CDH12: variants seen among roughly 807,000 people sequenced by gnomAD.
CDH12 encodes the protein cadherin-12.
A neutral mutation model predicts 74.1 loss-of-function variants in CDH12; 41 were observed. That is an observed-to-expected ratio of 0.55 (90% CI 0.43 to 0.72). The LOEUF is 0.72. Ranked by LOEUF, CDH12 falls within the 30% of genes least tolerant of loss-of-function variation. The pLI is 0.00. For missense variants in CDH12, 945 were observed against 977.2 expected (o/e 0.97, Z 0.44); for synonymous variants, 399 against 355.0 (o/e 1.12, Z -1.39).
At chr5:22,417,618 CCAAA>C (rs1237801521) in intron 2 of CDH12, among the ~76,000 whole-genome samples, 31 of 152,100 alleles carry the variant, frequency 2.0e-4, no homozygotes, top group East Asian at 7.7e-4. Flanking sequence ...TATAGTGGCA[CCAAA>C]CAAAGTAGGA....
intron 1 of CDH12, among the ~76,000 whole-genome samples, chr5:22,628,467 T>C (rs1253484983): frequency 2.6e-5 from 4 of 152,202 alleles, no homozygotes; most frequent in Middle Eastern, 3.4e-3. Context: ...TACCATTACA[T>C]GGAAATTAAA....
chr5:21,754,743 C>T (rs1248183748), intron 14 of CDH12, among the ~76,000 whole-genome samples: 2 of 152,020 alleles, frequency 1.3e-5, no homozygotes, highest in Non-Finnish European at 1.5e-5. Flanking sequence ...AATATGCATA[C>T]ATAATTTGAT....
At chr5:22,084,816 G>A (rs751722576) in intron 4 of CDH12, among the ~76,000 whole-genome samples, 7 of 152,086 alleles carry the variant, frequency 4.6e-5, no homozygotes, top group Non-Finnish European at 7.4e-5. Flanking sequence ...TAAGTGAAAG[G>A]CAAACAACTC....
chr5:22,680,017 AAACAGTAAACAG>A (rs1316907257), intron 1 of CDH12, among the ~76,000 whole-genome samples: 2 of 152,122 alleles, frequency 1.3e-5, no homozygotes, highest in Non-Finnish European at 2.9e-5. Flanking sequence ...CTTGAGGAAC[AAACAGTAAACAG>A]ATAGCAACAG....
At chr5:22,277,607 G>C (rs957033448) in intron 3 of CDH12, among the ~76,000 whole-genome samples, 4 of 151,752 alleles carry the variant, frequency 2.6e-5, no homozygotes, top group Non-Finnish European at 4.4e-5. Context: ...CCAAAGAAGG[G>C]GGATCACCTG....
chr5:22,583,841 T>G (rs1023451116), intron 1 of CDH12, among the ~76,000 whole-genome samples: 1 of 152,142 alleles, frequency 6.6e-6, no homozygotes, highest in African/African-American at 2.4e-5. Flanking sequence ...ATTTAACAAG[T>G]ATAATAAATC....
At chr5:22,004,999 T>C (rs901149210) in intron 5 of CDH12, among the ~76,000 whole-genome samples, 1 of 152,198 alleles carries the variant, frequency 6.6e-6, no homozygotes, top group African/African-American at 2.4e-5. Flanking sequence ...GGATGGTATA[T>C]GTACCATATT....
intron 3 of CDH12, among the ~76,000 whole-genome samples, chr5:22,219,823 G>T (rs1377850219): frequency 6.6e-6 from 1 of 151,630 alleles, no homozygotes; most frequent in Admixed American, 6.6e-5. Context: ...TGATAAAATA[G>T]TATGAAATGA....
chr5:22,059,165 T>C (rs528548697), intron 5 of CDH12, among the ~76,000 whole-genome samples: 1 of 152,154 alleles, frequency 6.6e-6, no homozygotes, highest in African/African-American at 2.4e-5. Context: ...TCAAAAGGTT[T>C]TAATCAAAGG....
chr5:22,481,662 A>T (rs1746390625), intron 2 of CDH12, among the ~76,000 whole-genome samples: 1 of 152,186 alleles, frequency 6.6e-6, no homozygotes, highest in Admixed American at 6.5e-5. Context: ...TCAAAGAAGC[A>T]GAGAGTAGAA....
chr5:22,703,892 A>G (rs186455872), intron 1 of CDH12, among the ~76,000 whole-genome samples: 1 of 152,188 alleles, frequency 6.6e-6, no homozygotes, highest in African/African-American at 2.4e-5. Context: ...TTATGTATAC[A>G]TGCTGTTTTT....
chr5:22,825,271 C>T (rs1736240885), intron 1 of CDH12, among the ~76,000 whole-genome samples: 1 of 150,638 alleles, frequency 6.6e-6, no homozygotes, highest in Non-Finnish European at 1.5e-5. Flanking sequence ...TATATACTTA[C>T]ACATATATAA....
rs527458539 is a variant in CDH12, at chr5:22,357,297, T to C, written c.-333+47960A>G. 2.0e-5 allele frequency among the ~76,000 whole-genome samples: 3 copies of C among 152,260 alleles called. No individual in the cohort carries two copies. The South Asian group carries it at 6.2e-4, about 32-fold the overall frequency. ...ATTATTTCTGATTTCTAGTGTTTAC[T>C]TATATGTCTGTTTCTATCCAGGTAG... On this transcript the variant is annotated intron_variant, in intron 3 of 14. Coordinates refer to ENST00000382254, the MANE Select transcript of CDH12 (RefSeq NM_004061.5).
chr5:21,863,244 C>T (rs923219052), intron 6 of CDH12, among the ~76,000 whole-genome samples: 3 of 151,974 alleles, frequency 2.0e-5, no homozygotes, highest in Admixed American at 6.6e-5. Flanking sequence ...CTCTTTCATG[C>T]CTCTGCGGTC....
intron 6 of CDH12, among the ~76,000 whole-genome samples, chr5:21,918,536 C>T (rs747033030): frequency 5.9e-5 from 9 of 152,038 alleles, no homozygotes; most frequent in East Asian, 1.9e-4. Flanking sequence ...TGGCAGAAGG[C>T]GAAGGGGAAG....
chr5:22,408,245 A>G (rs1192311944), intron 2 of CDH12, among the ~76,000 whole-genome samples: 1 of 114,810 alleles, frequency 8.7e-6, no homozygotes, highest in African/African-American at 3.7e-5. Flanking sequence ...AAGTCAAGAA[A>G]TCATAGATAG....
chr5:22,342,768 T>G (rs1739926352), intron 3 of CDH12, among the ~76,000 whole-genome samples: 1 of 141,152 alleles, frequency 7.1e-6, no homozygotes, highest in South Asian at 2.6e-4. Context: ...CTTCCTCCCT[T>G]CCTCACTTCC....
intron 2 of CDH12, among the ~76,000 whole-genome samples, chr5:22,474,897 A>G (rs1484321608): frequency 6.6e-6 from 1 of 152,046 alleles, no homozygotes; most frequent in Admixed American, 6.6e-5. Flanking sequence ...GTAATAATTA[A>G]TGAACCAAAC....
intron 3 of CDH12, among the ~76,000 whole-genome samples, chr5:22,304,787 A>G (rs761294552): frequency 7.2e-5 from 11 of 152,216 alleles, no homozygotes; most frequent in Non-Finnish European, 1.6e-4. Flanking sequence ...TCAAAGAAGG[A>G]ACAAAGATAT....
Sources: allele counts gnomAD v4.1 joint callset (sites outside exome capture counted in the v4.1 genomes callset), GRCh38; gene constraint gnomAD v4.1.1; transcripts MANE v1.5; gene names NCBI Gene and HGNC (gene_info 2026-07-23, HGNC 2026-07-21).